The following PRKCZ variants were observed in gnomAD, a reference collection of about 807,000 sequenced individuals.
PRKCZ encodes protein kinase C zeta type.
A neutral mutation model predicts 79.5 loss-of-function variants in PRKCZ; 33 were observed. The ratio of observed to expected loss-of-function variants is 0.41; its 90% CI spans 0.31 to 0.55. PRKCZ has a LOEUF of 0.55. Among genes scored for constraint, PRKCZ ranks in the 20% least tolerant of loss-of-function variants. PRKCZ has a pLI of 0.19. For missense variants in PRKCZ, 578 were observed against 813.5 expected, an observed-to-expected ratio of 0.71 and a Z score of 3.52; for synonymous variants, 342 against 320.9, an observed-to-expected ratio of 1.07 and a Z score of -0.70.
At chr1:2,139,650 T>A (rs1676919654) in intron 5 of PRKCZ, among the ~76,000 whole-genome samples, 1 of 152,168 alleles carries the variant, frequency 6.6e-6, no homozygotes, top group South Asian at 2.1e-4. Flanking sequence ...GTTGCTGTCA[T>A]GGGGTCTGCC....
chr1:2,151,106 C>T, intron 9 of PRKCZ, 128 bp downstream of exon 9: 1 of 1,151,404 alleles, frequency 8.7e-7, no homozygotes, highest in Non-Finnish European at 1.2e-6. Flanking sequence ...TGTGCAAAAT[C>T]AATAGTCATG....
chr1:2,116,215 T>C (rs1670725944), intron 4 of PRKCZ: 2 of 152,340 alleles, frequency 1.3e-5, no homozygotes, highest in African/African-American at 2.4e-5. Context: ...GAATTCCCGA[T>C]GCACCTCCTT....
chr1:2,129,593 G>T (rs1342396303), intron 4 of PRKCZ, among the ~76,000 whole-genome samples: 3 of 152,210 alleles, frequency 2.0e-5, no homozygotes, highest in Admixed American at 6.5e-5. Context: ...CTCATTAATT[G>T]TAACAGTGTA....
chr1:2,098,667 T>TGTTTC (rs1051641654), intron 4 of PRKCZ: 2 of 67,198 alleles, frequency 3.0e-5, no homozygotes, highest in Admixed American at 2.0e-4. Flanking sequence ...GTTTTCGTTT[T>TGTTTC]GTTTTGTTTT....
chr1:2,135,958 G>T lies in PRKCZ; in HGVS notation c.420+611G>T, dbSNP rs1466180974. 2.6e-5 allele frequency among the ~76,000 whole-genome samples: 4 copies of T among 152,188 alleles called. No individual in the cohort carries two copies. The South Asian group carries it at 8.3e-4, about 32-fold the overall frequency. On this transcript the variant is annotated intron_variant, in intron 5 of 17. Coordinates refer to ENST00000378567, the MANE Select transcript of PRKCZ (RefSeq NM_002744.6). ...GGAGGTGTCTGGGTGTGCCTTGGTG[G>T]CCCTGGAGTTGGTCCCACACAGGGA...
intron 10 of PRKCZ, 36 bp downstream of exon 10, chr1:2,156,128 AT>A: frequency 6.4e-7 from 1 of 1,556,928 alleles, no homozygotes; most frequent in Non-Finnish European, 8.8e-7. Flanking sequence ...TATTCTGCAG[AT>A]TTCAGATGTG....
At position 2,115,435 on chromosome 1, in the gene PRKCZ, A is replaced by G. The variant is rs138357383; in HGVS notation, c.335-19827A>G. On this transcript the variant is annotated intron_variant, in intron 4 of 17. Coordinates refer to ENST00000378567, the MANE Select transcript of PRKCZ (RefSeq NM_002744.6). ...GTGGCCGCACCAGGTCGCACTCTGCACTGTGTTTCTGCCTCCAGTTATGTG... is the reference window on the plus strand; with the variant it reads ...GTGGCCGCACCAGGTCGCACTCTGCGCTGTGTTTCTGCCTCCAGTTATGTG... Among the ~76,000 whole-genome samples, 1,112 of 152,320 alleles carry G rather than the reference A, an allele frequency of 7.3e-3. 9 individuals are homozygous for G. The highest frequency in any genetic ancestry group is 0.017 in the Middle Eastern group (5 of 294).
At chr1:2,073,832 A>G in intron 4 of PRKCZ, 2 of 1,042,362 alleles carry the variant, frequency 1.9e-6, no homozygotes, top group Non-Finnish European at 2.3e-6. Flanking sequence ...GAGCCGACGC[A>G]GCATCAGCTC....
At chr1:2,051,498 C>G (rs1659652475) in intron 1 of PRKCZ, among the ~76,000 whole-genome samples, 1 of 152,210 alleles carries the variant, frequency 6.6e-6, no homozygotes, top group South Asian at 2.1e-4. Context: ...GAGCCCCGAA[C>G]TGGGACCTCC....
intron 11 of PRKCZ, among the ~76,000 whole-genome samples, chr1:2,169,872 T>G (rs1684094975): frequency 2.0e-5 from 3 of 150,462 alleles, no homozygotes; most frequent in South Asian, 4.2e-4. Context: ...GGGAGGGAAG[T>G]CCAGGTAGGA....
At chr1:2,184,429 T>A in intron 16 of PRKCZ, 154 bp from the exon 17 acceptor site, 1 of 598,168 alleles carries the variant, frequency 1.7e-6, no homozygotes, top group Non-Finnish European at 2.9e-6. Flanking sequence ...AGATTTTGTG[T>A]TGTAAGAAAA....
At chr1:2,153,687 A>G (rs1173233610) in intron 9 of PRKCZ, among the ~76,000 whole-genome samples, 1 of 152,262 alleles carries the variant, frequency 6.6e-6, no homozygotes, top group Non-Finnish European at 1.5e-5. Flanking sequence ...GGTCAGCTGG[A>G]AAGTTAATGC....
intron 8 of PRKCZ, among the ~76,000 whole-genome samples, chr1:2,150,383 C>T (rs1302084685): frequency 1.3e-5 from 2 of 152,286 alleles, no homozygotes; most frequent in African/African-American, 4.8e-5. Context: ...TAGCTGCATT[C>T]GCTTTACCTT....
At chr1:2,155,163 GGTA>G (rs949695617) in intron 9 of PRKCZ, among the ~76,000 whole-genome samples, 6 of 151,798 alleles carry the variant, frequency 4.0e-5, no homozygotes, top group African/African-American at 7.3e-5. Flanking sequence ...ATGATGGTGA[GGTA>G]GTGGTGATGA....
chr1:2,135,425 C>A, intron 5 of PRKCZ, 78 bp downstream of exon 5: 3 of 1,335,192 alleles, frequency 2.2e-6, no homozygotes, highest in Non-Finnish European at 2.1e-6. Context: ...AGGGGAGGCA[C>A]GTCCCGCTGA....
chr1:2,166,691 G>T (rs1041707092), intron 10 of PRKCZ, among the ~76,000 whole-genome samples: 1 of 150,520 alleles, frequency 6.6e-6, no homozygotes, highest in Non-Finnish European at 1.5e-5. Flanking sequence ...CCCAGGCCAC[G>T]ACATGGCGAG....
At chr1:2,153,864 G>GA (rs953880342) in intron 9 of PRKCZ, among the ~76,000 whole-genome samples, 45 of 152,300 alleles carry the variant, frequency 3.0e-4, no homozygotes, top group African/African-American at 1.0e-3. Context: ...TTGAATGCTT[G>GA]GATGGTTTCT....
At chr1:2,124,891 A>G (rs566551148) in intron 4 of PRKCZ, among the ~76,000 whole-genome samples, 2 of 151,888 alleles carry the variant, frequency 1.3e-5, no homozygotes, top group African/African-American at 4.8e-5. Context: ...CTTATTTTCC[A>G]GCTTTCGTCG....
intron 4 of PRKCZ, among the ~76,000 whole-genome samples, chr1:2,133,319 C>T (rs1489869513): frequency 6.6e-6 from 1 of 150,682 alleles, no homozygotes; most frequent in Non-Finnish European, 1.5e-5. Context: ...GCTGCACGTT[C>T]GTCCCTCGGC....
Sources: gnomAD v4.1 joint callset for allele counts (sites outside exome capture counted in the v4.1 genomes callset) on GRCh38, gnomAD v4.1.1 for gene constraint, MANE v1.5 for transcripts, NCBI Gene and HGNC (gene_info 2026-07-23, HGNC 2026-07-21) for gene names.